Variants in DPF2 observed in about 807,000 individuals in gnomAD.
DPF2 encodes the protein double PHD fingers 2.
In DPF2, 10 loss-of-function variants were observed where a neutral mutation model predicts 59.6. The ratio of observed to expected loss-of-function variants is 0.17; its 90% CI spans 0.10 to 0.28. The LOEUF (loss-of-function observed/expected upper bound fraction) is 0.28, where lower values mean the gene tolerates loss of function less well. DPF2 is among the 10% of genes least tolerant of loss of function. The pLI is 1.00. For missense variants in DPF2, 315 were observed against 509.4 expected, an observed-to-expected ratio of 0.62 and a Z score of 3.67; for synonymous variants, 189 against 190.6, an observed-to-expected ratio of 0.99 and a Z score of 0.07.
At chr11:65,347,405 C>G (rs1854567150) in intron 9 of DPF2, 1 of 152,074 alleles carries the variant, frequency 6.6e-6, no homozygotes, top group African/African-American at 2.4e-5. Context: ...TCTTAGCTCA[C>G]TAAAACCTTT....
intron 1 of DPF2, among the ~76,000 whole-genome samples, chr11:65,336,468 A>T (rs1950096357): frequency 6.6e-6 from 1 of 151,466 alleles, no homozygotes; most frequent in Admixed American, 6.6e-5. Context: ...CTCCAGCCTG[A>T]GTGACACTTT....
rs1222930701 is a variant in DPF2 at position 65,341,320 on chromosome 11, A to G, written c.302-79A>G. On this transcript the variant is annotated intron_variant, in intron 3 of 10. Transcript: ENST00000528416. ...CAAAAGATAGTGACAGACCTTTGGT[A>G]AGCCCCAGCATTATGTGGACTCAGA... 3 of 1,581,334 alleles carry G rather than the reference A, an allele frequency of 1.9e-6. No individual in the cohort carries two copies. In the East Asian group the frequency reaches 6.8e-5, roughly 36 times the overall value.
chr11:65,340,214 A>G (rs1030082133), intron 1 of DPF2, among the ~76,000 whole-genome samples, 171 bp from the exon 2 acceptor site: 12 of 152,204 alleles, frequency 7.9e-5, no homozygotes, highest in African/African-American at 2.7e-4. Flanking sequence ...ATGATGGCCT[A>G]GAAAAGGGGC....
intron 4 of DPF2, 195 bp downstream of exon 4, chr11:65,341,757 C>G: frequency 1.5e-6 from 1 of 650,196 alleles, no homozygotes; most frequent in Non-Finnish European, 2.5e-6. Flanking sequence ...TATAGACTCT[C>G]ATTCATTCAC....
chr11:65,333,965 G>C, intron 1 of DPF2, 47 bp downstream of exon 1: 1 of 1,609,004 alleles, frequency 6.2e-7, no homozygotes, highest in African/African-American at 1.3e-5. Context: ...TTTTGTAAAG[G>C]GCCTGGGAGT....
chr11:65,350,327 A>T (rs1264163870), intron 10 of DPF2, among the ~76,000 whole-genome samples: 1 of 151,370 alleles, frequency 6.6e-6, no homozygotes, highest in East Asian at 1.9e-4. Context: ...AATAGCTTGC[A>T]AGCTGTTTTG....
chr11:65,343,299 C>CAAAAAAA (rs529933254), intron 4 of DPF2, among the ~76,000 whole-genome samples: 2 of 58,040 alleles, frequency 3.4e-5, no homozygotes, highest in Non-Finnish European at 3.1e-5. Flanking sequence ...AACTCTGTCT[C>CAAAAAAA]AAAAAAAAAA....
At chr11:65,350,506 C>A (rs866876006) in intron 10 of DPF2, among the ~76,000 whole-genome samples, 1 of 151,002 alleles carries the variant, frequency 6.6e-6, no homozygotes, top group South Asian at 2.1e-4. Flanking sequence ...ACCTCAGCCT[C>A]CTGAGTACCT....
intron 9 of DPF2, chr11:65,347,609 C>G (rs1242047507): frequency 1.3e-5 from 2 of 152,014 alleles, no homozygotes; most frequent in Non-Finnish European, 2.9e-5. Context: ...GCTGGGATTA[C>G]AGGCATGAAC....
chr11:65,334,632 G>T (rs142214940), intron 1 of DPF2, among the ~76,000 whole-genome samples: 1,614 of 152,302 alleles, frequency 0.011, 26 homozygotes, highest in African/African-American at 0.035. Flanking sequence ...CCATTGTGCT[G>T]GTCAGATTTC....
At chr11:65,335,079 G>GTTT (rs57579516) in intron 1 of DPF2, among the ~76,000 whole-genome samples, 233 of 141,652 alleles carry the variant, frequency 1.6e-3, no homozygotes, top group African/African-American at 4.9e-3. Context: ...CTTGTGGTTT[G>GTTT]TTTTTTTTTT....
At chr11:65,337,504 T>TATATATAGAGAGAGAG (rs1282367012) in intron 1 of DPF2, among the ~76,000 whole-genome samples, 5 of 21,396 alleles carry the variant, frequency 2.3e-4, no homozygotes, top group Non-Finnish European at 4.0e-4. Flanking sequence ...TATATATATA[T>TATATATAGAGAGAGAG]AGAGAGAGAG....
intron 1 of DPF2, among the ~76,000 whole-genome samples, chr11:65,337,525 AGAGAGAGAG>A (rs1854226929): frequency 1.5e-5 from 2 of 136,368 alleles, no homozygotes; most frequent in African/African-American, 5.3e-5. Context: ...AGAGAGAGAG[AGAGAGAGAG>A]AGAGAGAGAG....
intron 1 of DPF2, 81 bp from the exon 2 acceptor site, chr11:65,340,304 C>T (rs769629970): frequency 1.2e-4 from 173 of 1,500,224 alleles, no homozygotes; most frequent in Admixed American, 2.7e-4. Context: ...TCTAGAGAAG[C>T]AGATGGCAGG....
At chr11:65,336,668 A>C (rs1002415821) in intron 1 of DPF2, among the ~76,000 whole-genome samples, 1 of 151,146 alleles carries the variant, frequency 6.6e-6, no homozygotes, top group Non-Finnish European at 1.5e-5. Context: ...GTGTGTCTGT[A>C]ATCCCAGCTA....
chr11:65,337,217 C>T lies in DPF2; in HGVS notation c.33-3168C>T, dbSNP rs189329516. 1.3e-3 allele frequency among the ~76,000 whole-genome samples: 194 copies of T among 151,088 alleles called. 3 individuals carry two copies. Among genetic ancestry groups the T allele is most frequent in the African/African-American group, 4.4e-3 (181 of 41,124 alleles). ...CTGTAATCCCAGAACTTTGGAAGGC[C>T]GAGGTGGGCGGATCATGAGGTCAGG... On this transcript the variant is annotated intron_variant, in intron 1 of 10. Coordinates refer to ENST00000528416, the MANE Select transcript of DPF2 (RefSeq NM_006268.5).
chr11:65,345,621 C>G (rs755310668), intron 6 of DPF2, 45 bp from the exon 7 acceptor site: 2 of 1,609,744 alleles, frequency 1.2e-6, no homozygotes, highest in Non-Finnish European at 1.7e-6. Flanking sequence ...GGACATGGCA[C>G]TCTTGTATCC....
At position 65,340,483 on chromosome 11, in the gene DPF2, C is replaced by CA; in HGVS notation, c.132dup (p.Gln45ThrfsTer45). On this transcript the variant is annotated frameshift_variant, in exon 2 of 11. Transcript: ENST00000528416. LOFTEE classifies it high-confidence loss of function. ...AGCGTGCGCCTGCCTTTCTTGGACT[C>CA]ACAGACCGGAGTAGCCCAGAGCAAT... The CA allele has an allele frequency of 6.2e-7, 1 of 1,614,260 alleles. No homozygotes were observed. The highest frequency in any genetic ancestry group is 8.5e-7 in the Non-Finnish European group (1 of 1,180,038).
chr11:65,340,465 G>A lies in DPF2; in HGVS notation c.113G>A (p.Arg38His), dbSNP rs760880895. Residue 38 changes from arginine (R) to histidine (H), a missense_variant, in exon 2 of 11, where the codon CGC becomes CAC. Physicochemically the swap from Arg to His is conservative, Grantham distance 29. Coordinates refer to ENST00000528416, the MANE Select transcript of DPF2 (RefSeq NM_006268.5). ...NARLCAERSV[R>H]LPFLDSQTGV... ...CGCCTCTGTGCTGAGCGCAGCGTGC[G>A]CCTGCCTTTCTTGGACTCACAGACC... 1.9e-6 allele frequency: 3 copies of A among 1,614,258 alleles called. No homozygotes were observed. Among genetic ancestry groups the A allele is most frequent in the Non-Finnish European group, 2.5e-6 (3 of 1,180,052 alleles).
Sources: allele counts gnomAD v4.1 joint callset (sites outside exome capture counted in the v4.1 genomes callset), GRCh38; gene constraint gnomAD v4.1.1; transcripts MANE v1.5; gene names NCBI Gene and HGNC (gene_info 2026-07-23, HGNC 2026-07-21).